Variants in LPP observed in about 807,000 individuals in gnomAD.
LPP encodes the protein LIM domain containing preferred translocation partner in lipoma.
A neutral mutation model predicts 60.4 loss-of-function variants in LPP; 38 were observed. The ratio of observed to expected loss-of-function variants is 0.63; its 90% CI spans 0.49 to 0.83. The LOEUF is 0.83. Ranked by LOEUF, LPP falls within the 40% of genes least tolerant of loss-of-function variation. The pLI is 0.00. For missense variants in LPP, 902 were observed against 783.6 expected (o/e 1.15, Z -1.80); for synonymous variants, 328 against 290.8 (o/e 1.13, Z -1.30).
intron 7 of LPP, among the ~76,000 whole-genome samples, chr3:188,705,227 G>C (rs1865254738): frequency 6.6e-6 from 1 of 152,130 alleles, no homozygotes; most frequent in African/African-American, 2.4e-5. Context: ...TTCCGTACCT[G>C]GTCTTTATAT....
At chr3:188,636,877 G>C (rs1474390887) in intron 7 of LPP, among the ~76,000 whole-genome samples, 1 of 147,410 alleles carries the variant, frequency 6.8e-6, no homozygotes, top group Non-Finnish European at 1.5e-5. Flanking sequence ...CTAACAAACA[G>C]AAAGGACATC....
intron 9 of LPP, among the ~76,000 whole-genome samples, chr3:188,851,249 T>G (rs1762608738): frequency 6.6e-6 from 1 of 152,260 alleles, no homozygotes; most frequent in African/African-American, 2.4e-5. Context: ...TGATTCTATG[T>G]GAAGTTCTAG....
chr3:188,311,690 G>A (rs545167264), intron 2 of LPP, among the ~76,000 whole-genome samples: 1 of 151,494 alleles, frequency 6.6e-6, no homozygotes, highest in African/African-American at 2.4e-5. Flanking sequence ...CCAGGCTTGA[G>A]TGCAGTGGCC....
intron 3 of LPP, among the ~76,000 whole-genome samples, chr3:188,370,737 AG>A (rs1772799126): frequency 6.6e-6 from 1 of 152,076 alleles, no homozygotes; most frequent in African/African-American, 2.4e-5. Context: ...GGGCTGGGAA[AG>A]CCATTTGAGG....
At chr3:188,592,996 ATTC>A (rs1480844256) in intron 6 of LPP, among the ~76,000 whole-genome samples, 1 of 152,192 alleles carries the variant, frequency 6.6e-6, no homozygotes, top group Non-Finnish European at 1.5e-5. Context: ...AATAATAAAA[ATTC>A]TTCTTGAATA....
intron 7 of LPP, among the ~76,000 whole-genome samples, chr3:188,642,365 AG>A (rs1850317039): frequency 6.6e-6 from 1 of 152,226 alleles, no homozygotes; most frequent in Admixed American, 6.5e-5. Flanking sequence ...ATAAAGATGG[AG>A]CTAAATATTC....
At chr3:188,654,926 T>C (rs1036977177) in intron 7 of LPP, among the ~76,000 whole-genome samples, 3 of 152,216 alleles carry the variant, frequency 2.0e-5, no homozygotes, top group Admixed American at 6.5e-5. Flanking sequence ...AATATTGTAG[T>C]CCAGGAGTTT....
chr3:188,825,703 G>A (rs1755294881), intron 9 of LPP, among the ~76,000 whole-genome samples: 2 of 151,910 alleles, frequency 1.3e-5, no homozygotes, highest in Admixed American at 6.6e-5. Context: ...CCTTTACCAT[G>A]GGTACCTAGA....
intron 7 of LPP, among the ~76,000 whole-genome samples, chr3:188,642,951 A>AT (rs1850444957): frequency 6.6e-6 from 1 of 151,356 alleles, no homozygotes; most frequent in South Asian, 2.1e-4. Flanking sequence ...AAAAAAAAAA[A>AT]TTAACCTGAT....
chr3:188,678,463 A>G (rs529297701), intron 7 of LPP, among the ~76,000 whole-genome samples: 191 of 152,330 alleles, frequency 1.3e-3, no homozygotes, highest in Middle Eastern at 3.4e-3. Context: ...TCCTGATACC[A>G]GCATATGTTG....
chr3:188,376,184 G>A (rs180731222), intron 3 of LPP, among the ~76,000 whole-genome samples: 399 of 152,200 alleles, frequency 2.6e-3, no homozygotes, highest in African/African-American at 8.4e-3. Context: ...GTATTCTGTC[G>A]ATTTGGGGTG....
At chr3:188,433,123 T>A (rs1791366879) in intron 4 of LPP, among the ~76,000 whole-genome samples, 1 of 152,128 alleles carries the variant, frequency 6.6e-6, no homozygotes, top group Non-Finnish European at 1.5e-5. Flanking sequence ...TTTTAGTCTG[T>A]TTACCTCTAA....
chr3:188,364,707 G>A (rs1009239844), intron 3 of LPP, among the ~76,000 whole-genome samples: 21 of 152,200 alleles, frequency 1.4e-4, no homozygotes, highest in Non-Finnish European at 1.5e-5. Context: ...GACTTCCCAG[G>A]CTGAGTGAAG....
intron 3 of LPP, among the ~76,000 whole-genome samples, chr3:188,347,801 T>C (rs1255324125): frequency 6.6e-6 from 1 of 152,214 alleles, no homozygotes; most frequent in Non-Finnish European, 1.5e-5. Context: ...AGGTCAGAGA[T>C]GGAAGACGCC....
intron 7 of LPP, among the ~76,000 whole-genome samples, chr3:188,645,098 T>G (rs75286039): frequency 0.033 from 5,007 of 152,326 alleles, 265 homozygotes; most frequent in African/African-American, 0.11. Flanking sequence ...TAGTATGTAC[T>G]CAGTTACTGG....
chr3:188,651,627 G>T (rs1212364336), intron 7 of LPP, among the ~76,000 whole-genome samples: 2 of 152,206 alleles, frequency 1.3e-5, no homozygotes, highest in South Asian at 4.1e-4. Context: ...AGTCATGGCA[G>T]AAGGTGAAAA....
chr3:188,682,769 C>T (rs56328339), intron 7 of LPP, among the ~76,000 whole-genome samples: 16,672 of 152,106 alleles, frequency 0.11, 1,236 homozygotes, highest in Non-Finnish European at 0.16. Context: ...TTTACTGAAA[C>T]GGAAGCCAGG....
intron 8 of LPP, among the ~76,000 whole-genome samples, chr3:188,715,147 A>G (rs1276392675): frequency 6.6e-6 from 1 of 152,116 alleles, no homozygotes; most frequent in African/African-American, 2.4e-5. Context: ...TGGGAGGCTG[A>G]GGTGGGCAGA....
chr3:188,853,035 G>A (rs533411476), intron 9 of LPP, among the ~76,000 whole-genome samples: 20 of 152,036 alleles, frequency 1.3e-4, no homozygotes, highest in Admixed American at 3.3e-4. Context: ...CTGTAATCCC[G>A]GCTACTCAGG....
Sources: allele counts gnomAD v4.1 joint callset (sites outside exome capture counted in the v4.1 genomes callset), GRCh38; gene constraint gnomAD v4.1.1; transcripts MANE v1.5; gene names NCBI Gene and HGNC (gene_info 2026-07-23, HGNC 2026-07-21).